The following TTLL4 variants were observed in gnomAD, a reference collection of about 807,000 sequenced individuals.
TTLL4 encodes the protein tubulin tyrosine ligase like 4.
Under a neutral mutation model 122.7 loss-of-function variants are expected in TTLL4, and 85 were observed. The ratio of observed to expected loss-of-function variants is 0.69; its 90% CI spans 0.58 to 0.83. The LOEUF is 0.83. Among genes scored for constraint, TTLL4 ranks in the 40% least tolerant of loss-of-function variants. The pLI is 0.00. For missense variants in TTLL4, 1,363 were observed against 1,488.6 expected (o/e 0.92, Z 1.39); for synonymous variants, 553 against 563.0 (o/e 0.98, Z 0.25).
At chr2:218,743,623 C>G (rs1384325062) in intron 5 of TTLL4, among the ~76,000 whole-genome samples, 1 of 152,060 alleles carries the variant, frequency 6.6e-6, no homozygotes, top group Non-Finnish European at 1.5e-5. Flanking sequence ...AAGAAACTGC[C>G]AAAATTGTTT....
At chr2:218,757,271 G>C (rs191454667), downstream of TTLL4, among the ~76,000 whole-genome samples, 15 of 152,254 alleles carry the variant, frequency 9.9e-5, no homozygotes, top group African/African-American at 3.4e-4. Context: ...GAAGATGCCA[G>C]AACAGGGTCT....
At chr2:218,733,162 A>G (rs1021303419) in intron 2 of TTLL4, among the ~76,000 whole-genome samples, 6 of 152,166 alleles carry the variant, frequency 3.9e-5, no homozygotes, top group Non-Finnish European at 8.8e-5. Context: ...ATATTTCTTT[A>G]GGAAGACAGT....
rs1173673428 is a variant in TTLL4 at position 218,716,766 on chromosome 2, C to T, written c.-178+5729C>T. ...ATCGTGCCACTGCACTCCAGCCTGG[C>T]GACAGAGCGAGACTCTGTCTCAAAA... On this transcript the variant is annotated intron_variant, in intron 1 of 19. Transcript: ENST00000392102. Among the ~76,000 whole-genome samples, 4 of 151,828 alleles carry T rather than the reference C, an allele frequency of 2.6e-5. No individual in the cohort carries two copies. In the South Asian group the frequency reaches 6.3e-4, roughly 24 times the overall value.
At chr2:218,740,638 A>G in intron 5 of TTLL4, 54 bp downstream of exon 5, 6 of 1,595,354 alleles carry the variant, frequency 3.8e-6, no homozygotes, top group Non-Finnish European at 5.2e-6. Context: ...TCTCTTAAAG[A>G]TTATAAAGAG....
In TTLL4 at chr2:218,750,143, C is replaced by T. The variant is rs141381911; in HGVS notation, c.2870C>T (p.Thr957Ile). The T allele has an allele frequency of 1.1e-4, 173 of 1,613,534 alleles. No individual in the cohort carries two copies. The highest frequency in any genetic ancestry group is 1.7e-4 in the Middle Eastern group (1 of 6,024). Reference sequence around the variant, plus strand: ...CCCAGCAGCTGCAGCAGCTCCACCACCAGGTGAGGCCCCTATTTCTTCACA... The same window carrying T: ...CCCAGCAGCTGCAGCAGCTCCACCATCAGGTGAGGCCCCTATTTCTTCACA... ...SSPSSCSSST[T>I]SLPTSPGDKC... The change falls in exon 15 of 20, where the codon ACC (threonine) becomes ATC (isoleucine). Residue 957 changes from threonine to isoleucine, a missense_variant. Thr to Ile is a moderately conservative substitution (Grantham distance 89, BLOSUM62 -1). Around this residue, in one of 3 missense-constraint regions of TTLL4, gnomAD observed 596 missense variants for 655.8 expected, o/e 0.91. Coordinates refer to ENST00000392102, the MANE Select transcript of TTLL4 (RefSeq NM_014640.5).
chr2:218,753,823 G>A (rs1943090123), intron 19 of TTLL4, among the ~76,000 whole-genome samples, 154 bp downstream of exon 19: 1 of 152,084 alleles, frequency 6.6e-6, no homozygotes, highest in Non-Finnish European at 1.5e-5. Context: ...TCCTTTTTCT[G>A]GTAGATCTTG....
At chr2:218,739,572 C>A (rs1245885337) in intron 3 of TTLL4, among the ~76,000 whole-genome samples, 1 of 152,182 alleles carries the variant, frequency 6.6e-6, no homozygotes. Context: ...AATGTTGAAG[C>A]CTGTGACTTT....
chr2:218,722,136 G>C (rs563722279), intron 1 of TTLL4, among the ~76,000 whole-genome samples: 1 of 152,158 alleles, frequency 6.6e-6, no homozygotes, highest in East Asian at 1.9e-4. Flanking sequence ...AAAAAAGTTA[G>C]CTGGGTGCGG....
At chr2:218,730,403 G>A (rs867221507) in intron 2 of TTLL4, among the ~76,000 whole-genome samples, 1 of 151,198 alleles carries the variant, frequency 6.6e-6, no homozygotes, top group African/African-American at 2.4e-5. Flanking sequence ...AGCTACTCGG[G>A]AGGCTGAGGC....
At chr2:218,739,550 T>G (rs900513057) in intron 3 of TTLL4, among the ~76,000 whole-genome samples, 1 of 152,222 alleles carries the variant, frequency 6.6e-6, no homozygotes, top group Non-Finnish European at 1.5e-5. Context: ...GAAATAAGAA[T>G]TGTGAGCACC....
chr2:218,746,310 A>G, intron 8 of TTLL4, 79 bp downstream of exon 8: 17 of 1,311,172 alleles, frequency 1.3e-5, no homozygotes, highest in Non-Finnish European at 1.6e-5. Context: ...AGTAGGGGGT[A>G]GGGGGCGGGA....
intron 1 of TTLL4, among the ~76,000 whole-genome samples, chr2:218,716,136 G>A (rs1941850616): frequency 6.6e-6 from 1 of 152,186 alleles, no homozygotes; most frequent in Non-Finnish European, 1.5e-5. Flanking sequence ...ACTCAAACTC[G>A]TGGTGGCAGA....
downstream of TTLL4, among the ~76,000 whole-genome samples, chr2:218,758,138 A>G (rs1226616685): frequency 6.6e-6 from 1 of 152,210 alleles, no homozygotes; most frequent in Non-Finnish European, 1.5e-5. Flanking sequence ...GCAAGCAGTC[A>G]TATGTTGCTC....
At chr2:218,721,888 C>G (rs1054595587) in intron 1 of TTLL4, among the ~76,000 whole-genome samples, 15 of 151,974 alleles carry the variant, frequency 9.9e-5, no homozygotes, top group African/African-American at 2.7e-4. Context: ...TTTTGAGAGG[C>G]TGAGGCAAGA....
At chr2:218,729,502 T>G (rs1286530114) in intron 2 of TTLL4, among the ~76,000 whole-genome samples, 1 of 152,168 alleles carries the variant, frequency 6.6e-6, no homozygotes, top group African/African-American at 2.4e-5. Context: ...GAAGCCAGCT[T>G]GCTTCTACAC....
intron 1 of TTLL4, among the ~76,000 whole-genome samples, chr2:218,724,980 G>A (rs1942145199): frequency 6.6e-6 from 1 of 151,980 alleles, no homozygotes; most frequent in Admixed American, 6.6e-5. Flanking sequence ...GCTCACTGCA[G>A]TCTCGACTTC....
At chr2:218,718,905 A>G (rs1941948494) in intron 1 of TTLL4, among the ~76,000 whole-genome samples, 1 of 152,200 alleles carries the variant, frequency 6.6e-6, no homozygotes, top group African/African-American at 2.4e-5. Context: ...ACAGTCCTGC[A>G]CTTGGTGTTA....
In TTLL4 at chr2:218,750,032, A is replaced by G. The variant is rs200227224; in HGVS notation, c.2759A>G (p.Asp920Gly). ...AGCCTCCACTCCAGCTCTCCACTGG[A>G]TATCAGCATCAAAGGCCAGATGATT... The part of the protein sequence containing the change: ...SPSLHSSSPL[D>G]ISIKGQMIRD... Residue 920 changes from aspartate to glycine, a missense_variant, in exon 15 of 20, where the codon GAT becomes GGT. Physicochemically the swap from Asp to Gly is moderately conservative, Grantham distance 94 (BLOSUM62 -1). Transcript: ENST00000392102. 114 of 1,614,090 alleles carry G rather than the reference A, an allele frequency of 7.1e-5. No homozygotes were observed. Among genetic ancestry groups the G allele is most frequent in the Non-Finnish European group, 9.2e-5 (109 of 1,179,994 alleles).
chr2:218,752,816 G>T lies in TTLL4; in HGVS notation c.3030G>T (p.Leu1010=). The T allele has an allele frequency of 1.2e-6, 2 of 1,614,162 alleles. No individual in the cohort carries two copies. Among genetic ancestry groups the T allele is most frequent in the South Asian group, 1.1e-5 (1 of 91,082 alleles). ...TGACACCAGATGATGTTCGGATTCT[G>T]GTTGAGATGGAAGATGAGTTTTCTC... ...DVLTPDDVRI[L]VEMEDEFSRR... is the part of the protein sequence containing the mutation. Residue 1010 remains leucine, a synonymous_variant, in exon 17 of 20, where the codon CTG becomes CTT. Coordinates refer to ENST00000392102, the MANE Select transcript of TTLL4 (RefSeq NM_014640.5).
Sources: gnomAD v4.1 joint callset for allele counts (sites outside exome capture counted in the v4.1 genomes callset) on GRCh38, gnomAD v4.1.1 for gene constraint, gnomAD v4.1.1 regional missense constraint, MANE v1.5 for transcripts, NCBI Gene and HGNC (gene_info 2026-07-23, HGNC 2026-07-21) for gene names.